The following SIK3 variants were observed in gnomAD, a reference collection of about 807,000 sequenced individuals.
SIK3 encodes the protein serine/threonine-protein kinase SIK3.
A neutral mutation model predicts 144.2 loss-of-function variants in SIK3; 28 were observed. The ratio of observed to expected loss-of-function variants is 0.19; its 90% confidence interval spans 0.14 to 0.27. The LOEUF is 0.27. SIK3 is among the 10% of genes least tolerant of loss of function. SIK3 has a pLI of 1.00. For synonymous variants in SIK3, 686 were observed against 676.3 expected, an observed-to-expected ratio of 1.01 and a Z score of -0.22; for missense variants, 1,319 against 1,776.0, an observed-to-expected ratio of 0.74 and a Z score of 4.62.
chr11:116,926,651 G>A (rs907162593), intron 4 of SIK3, among the ~76,000 whole-genome samples: 5 of 152,094 alleles, frequency 3.3e-5, no homozygotes, highest in Non-Finnish European at 5.9e-5. Context: ...AAAAGGACCC[G>A]TTAACCAAAG....
At chr11:116,876,877 G>T in intron 7 of SIK3, 47 bp downstream of exon 7, 1 of 1,485,118 alleles carries the variant, frequency 6.7e-7, no homozygotes, top group Non-Finnish European at 9.4e-7. Flanking sequence ...AAAGGAGGCT[G>T]CAGCAGCTTT....
chr11:117,081,345 C>T (rs948840327), intron 1 of SIK3, among the ~76,000 whole-genome samples: 8 of 152,082 alleles, frequency 5.3e-5, no homozygotes, highest in Admixed American at 6.6e-5. Flanking sequence ...GGCTAGAGGC[C>T]GGGCGCAGTG....
At chr11:117,050,599 A>C (rs1346862016) in intron 1 of SIK3, among the ~76,000 whole-genome samples, 2 of 152,044 alleles carry the variant, frequency 1.3e-5, no homozygotes, top group East Asian at 2.0e-4. Context: ...AGGCAGGAGA[A>C]TCGCTTGAAC....
At chr11:117,061,403 G>C (rs1953789433) in intron 1 of SIK3, among the ~76,000 whole-genome samples, 1 of 152,170 alleles carries the variant, frequency 6.6e-6, no homozygotes, top group African/African-American at 2.4e-5. Flanking sequence ...AACTCTGCTT[G>C]GGCTCAGTCT....
intron 1 of SIK3, among the ~76,000 whole-genome samples, chr11:117,079,086 G>GT (rs1954674476): frequency 6.6e-6 from 1 of 152,082 alleles, no homozygotes; most frequent in Admixed American, 6.6e-5. Flanking sequence ...TAATTGTTAA[G>GT]TTAAATGAAT....
chr11:117,013,977 T>TTTCTTTTC (rs1951412194), intron 1 of SIK3, among the ~76,000 whole-genome samples: 1 of 85,890 alleles, frequency 1.2e-5, no homozygotes, highest in African/African-American at 4.2e-5. Flanking sequence ...CTTTTCTTTT[T>TTTCTTTTC]TTTTTTTTTT....
chr11:116,870,466 T>C, intron 13 of SIK3, 65 bp from the exon 14 acceptor site: 1 of 1,607,904 alleles, frequency 6.2e-7, no homozygotes, highest in South Asian at 1.1e-5. Flanking sequence ...CTTACTCTAG[T>C]AACTGGGCTT....
chr11:116,911,226 G>T (rs914960372), intron 4 of SIK3, among the ~76,000 whole-genome samples: 1 of 152,190 alleles, frequency 6.6e-6, no homozygotes, highest in Non-Finnish European at 1.5e-5. Flanking sequence ...AAAATGATGA[G>T]GCCAGGTGCA....
chr11:116,902,992 G>A (rs1443255532), intron 4 of SIK3, among the ~76,000 whole-genome samples: 1 of 152,126 alleles, frequency 6.6e-6, no homozygotes, highest in Non-Finnish European at 1.5e-5. Context: ...CTCTTTACTA[G>A]TATTTCACAT....
chr11:116,929,755 G>T (rs1485903948), intron 3 of SIK3, among the ~76,000 whole-genome samples: 1 of 152,330 alleles, frequency 6.6e-6, no homozygotes, highest in South Asian at 2.1e-4. Flanking sequence ...AGTATCATAC[G>T]TTAAAACTTT....
intron 1 of SIK3, among the ~76,000 whole-genome samples, chr11:117,011,514 C>A (rs567793905): frequency 6.8e-6 from 1 of 147,790 alleles, no homozygotes; most frequent in East Asian, 1.9e-4. Context: ...AGAAATTAAA[C>A]GGAAATTTTT....
At chr11:117,087,191 C>G (rs6589592) in intron 1 of SIK3, among the ~76,000 whole-genome samples, 137,799 of 151,950 alleles carry the variant, frequency 0.91, 62,850 homozygotes, top group African/African-American at 0.98. Flanking sequence ...TGTAATACCA[C>G]CACTCTGAGA....
intron 1 of SIK3, among the ~76,000 whole-genome samples, chr11:117,031,568 C>T (rs891027725): frequency 1.3e-5 from 2 of 151,074 alleles, no homozygotes; most frequent in African/African-American, 2.4e-5. Flanking sequence ...GTTTCCCAGG[C>T]TGGAGTGCAA....
intron 19 of SIK3, among the ~76,000 whole-genome samples, chr11:116,860,281 C>A (rs190394864): frequency 6.6e-6 from 1 of 151,700 alleles, no homozygotes; most frequent in African/African-American, 2.4e-5. Flanking sequence ...GTCTGGAATA[C>A]GACCTGAGAT....
Position 117,020,236 on chromosome 11 carries a change from C to CATATATATATATATATATAT in SIK3, c.274-63173_274-63172insATATATATATATATATATAT, listed in dbSNP as rs754633188. Among the ~76,000 whole-genome samples, 45 of 122,278 alleles carry CATATATATATATATATATAT rather than the reference C, an allele frequency of 3.7e-4. 1 individual carries two copies. Among genetic ancestry groups the CATATATATATATATATATAT allele is most frequent in the East Asian group, 6.6e-4 (3 of 4,544 alleles). 80.2% of individuals were successfully genotyped at this position (122,278 alleles called of 152,430 possible). A position where few individuals can be genotyped will look rare whatever the true frequency, so the allele number is the denominator to read the frequency against. On this transcript the variant is annotated intron_variant, in intron 1 of 24. Transcript: ENST00000445177. ...GGTGATATTTGTATGTGTATATGTG[C>CATATATATATATATATATAT]ATATATATATACACATACATATATC...
chr11:116,887,791 G>GA (rs955185297), intron 6 of SIK3, among the ~76,000 whole-genome samples: 3 of 152,164 alleles, frequency 2.0e-5, no homozygotes, highest in African/African-American at 7.2e-5. Flanking sequence ...TTCTAGTGGG[G>GA]AGAGGAGGAA....
At chr11:117,005,620 C>T (rs1157256898) in intron 1 of SIK3, among the ~76,000 whole-genome samples, 1 of 152,064 alleles carries the variant, frequency 6.6e-6, no homozygotes, top group Non-Finnish European at 1.5e-5. Flanking sequence ...CAGGTATAAC[C>T]ACTCTCTTAA....
intron 4 of SIK3, among the ~76,000 whole-genome samples, chr11:116,903,770 T>C (rs930340163): frequency 6.6e-6 from 1 of 152,036 alleles, no homozygotes; most frequent in African/African-American, 2.4e-5. Flanking sequence ...TTTTTTGTAG[T>C]GATGGGGGTC....
chr11:117,038,004 T>G (rs939208269), intron 1 of SIK3, among the ~76,000 whole-genome samples: 2 of 152,240 alleles, frequency 1.3e-5, no homozygotes, highest in Non-Finnish European at 2.9e-5. Flanking sequence ...GCCTCTTTTT[T>G]GTTGTGTACT....
Sources: gnomAD v4.1 joint callset for allele counts (sites outside exome capture counted in the v4.1 genomes callset) on GRCh38, gnomAD v4.1.1 for gene constraint, MANE v1.5 for transcripts, NCBI Gene and HGNC (gene_info 2026-07-23, HGNC 2026-07-21) for gene names.